RBM39: variants seen among roughly 807,000 people sequenced by gnomAD.
RBM39 encodes the protein RNA binding motif protein 39.
Under a neutral mutation model 79.6 loss-of-function variants are expected in RBM39, and 12 were observed. That is an observed-to-expected ratio of 0.15 (90% CI 0.10 to 0.24). The LOEUF (loss-of-function observed/expected upper bound fraction) is 0.24. Ranked by LOEUF, RBM39 falls within the 10% of genes least tolerant of loss-of-function variation. RBM39 has a pLI of 1.00. For synonymous variants in RBM39, 185 were observed against 208.4 expected (o/e 0.89, Z 0.97); for missense variants, 243 against 653.4 (o/e 0.37, Z 6.85).
At chr20:35,724,905 A>G (rs1056298994) in intron 7 of RBM39, 133 bp downstream of exon 7, 9 of 999,130 alleles carry the variant, frequency 9.0e-6, no homozygotes, top group Non-Finnish European at 1.4e-5. Context: ...TATCAACTCC[A>G]ATACTACAAG....
intron 6 of RBM39, among the ~76,000 whole-genome samples, chr20:35,726,970 A>G (rs989650303): frequency 1.3e-5 from 2 of 151,342 alleles, no homozygotes; most frequent in Admixed American, 6.6e-5. Context: ...GATTACACGC[A>G]CGCGCCACTA....
chr20:35,731,745 A>T, intron 4 of RBM39, 196 bp downstream of exon 4: 3 of 619,690 alleles, frequency 4.8e-6, no homozygotes, highest in Non-Finnish European at 8.3e-6. Flanking sequence ...ATGCCTAGTA[A>T]AAGCAAATTT....
intron 13 of RBM39, 81 bp from the exon 14 acceptor site, chr20:35,707,282 A>C: frequency 1.2e-6 from 1 of 848,180 alleles, no homozygotes; most frequent in Non-Finnish European, 1.8e-6. Flanking sequence ...CGAAACCAAA[A>C]ACCCACCCCA....
chr20:35,740,802 T>C, intron 2 of RBM39, 22 bp downstream of exon 2: 1 of 1,598,790 alleles, frequency 6.3e-7, no homozygotes, highest in South Asian at 1.1e-5. Flanking sequence ...TATATAAACC[T>C]CACCGACATG....
chr20:35,732,536 G>A (rs575686676), intron 3 of RBM39: 19 of 188,848 alleles, frequency 1.0e-4, no homozygotes, highest in African/African-American at 4.0e-4. Context: ...CAGCCTGGGC[G>A]ACAGAGTAAG....
At chr20:35,705,401 A>C (rs1442679541) in intron 14 of RBM39, 71 bp from the exon 15 acceptor site, 4 of 863,668 alleles carry the variant, frequency 4.6e-6, no homozygotes, top group Non-Finnish European at 7.0e-6. Flanking sequence ...AATGTATCAA[A>C]AAATTTAAAT....
chr20:35,723,619 G>A (rs1336327371), intron 8 of RBM39, among the ~76,000 whole-genome samples: 2 of 152,226 alleles, frequency 1.3e-5, no homozygotes, highest in Middle Eastern at 3.4e-3. Flanking sequence ...TTGCATTTTA[G>A]TAGAGACAAG....
At chr20:35,733,558 G>A (rs994825359) in intron 3 of RBM39, among the ~76,000 whole-genome samples, 2 of 151,834 alleles carry the variant, frequency 1.3e-5, no homozygotes, top group Non-Finnish European at 2.9e-5. Flanking sequence ...GGAGTGAGCC[G>A]AAATCATGCC....
intron 9 of RBM39, chr20:35,720,134 C>G (rs1247678087): frequency 6.4e-6 from 1 of 155,236 alleles, no homozygotes; most frequent in African/African-American, 2.4e-5. Flanking sequence ...TATCTAGCTC[C>G]TTTTAAATTT....
chr20:35,720,750 C>A (rs533929494), intron 9 of RBM39, among the ~76,000 whole-genome samples: 1 of 152,100 alleles, frequency 6.6e-6, no homozygotes, highest in Non-Finnish European at 1.5e-5. Context: ...CCAGCCTGGG[C>A]AGCAGAATAA....
chr20:35,739,300 T>TA (rs2040295286), intron 2 of RBM39: 1 of 464,768 alleles, frequency 2.2e-6, no homozygotes, highest in South Asian at 2.0e-5. Context: ...TTATCCAGAT[T>TA]TACAATGTTG....
rs2035376758 is a variant in RBM39, at chr20:35,703,292, T to G, written c.*1189A>C. 1.3e-5 allele frequency: 2 copies of G among 152,184 alleles called. No homozygotes were observed. Among genetic ancestry groups the G allele is most frequent in the Admixed American group, 1.3e-4 (2 of 15,274 alleles). 9.4% of individuals were successfully genotyped at this position (152,184 alleles called of 1,614,324 possible). On this transcript the variant is annotated 3_prime_UTR_variant, in exon 17 of 17. Transcript: ENST00000253363. ...CCAGTTTGAAGTTAAGCCATTTTGT[T>G]AAGTATGTATTGTAAATGGTGAAAA...
chr20:35,732,895 C>T (rs1422684214), intron 3 of RBM39: 1 of 152,146 alleles, frequency 6.6e-6, no homozygotes, highest in Non-Finnish European at 1.5e-5. Flanking sequence ...AGTAATTTAC[C>T]ATTAAGTCAA....
chr20:35,718,421 TCCC>T (rs2037450453), intron 9 of RBM39, among the ~76,000 whole-genome samples: 1 of 151,736 alleles, frequency 6.6e-6, no homozygotes, highest in Non-Finnish European at 1.5e-5. Flanking sequence ...GCTCGGTGGC[TCCC>T]ACCTGTAGGT....
At chr20:35,734,226 T>A (rs556024447) in intron 3 of RBM39, 2 of 1,303,756 alleles carry the variant, frequency 1.5e-6, no homozygotes, top group Non-Finnish European at 2.0e-6. Flanking sequence ...CACAAGGAGA[T>A]GTAGAGCTTT....
At chr20:35,715,193 T>C (rs1225059704) in intron 10 of RBM39, among the ~76,000 whole-genome samples, 2 of 152,156 alleles carry the variant, frequency 1.3e-5, no homozygotes, top group Non-Finnish European at 1.5e-5. Context: ...AGCTCACACA[T>C]CTGAAAAAAG....
At chr20:35,712,391 C>T (rs1267804030) in intron 12 of RBM39, among the ~76,000 whole-genome samples, 2 of 140,986 alleles carry the variant, frequency 1.4e-5, no homozygotes, top group South Asian at 2.3e-4. Flanking sequence ...CGAGACTGCA[C>T]CACTGCACTC....
At chr20:35,708,693 T>G (rs897640891) in intron 13 of RBM39, 1 of 152,436 alleles carries the variant, frequency 6.6e-6, no homozygotes, top group Non-Finnish European at 1.5e-5. Context: ...CAAGAAATCA[T>G]AGCCTACTTA....
chr20:35,728,334 C>T (rs757837149), intron 6 of RBM39, among the ~76,000 whole-genome samples: 10 of 152,052 alleles, frequency 6.6e-5, no homozygotes, highest in African/African-American at 2.2e-4. Context: ...ACATTTAACA[C>T]GAATAAGCTA....
Sources: allele counts gnomAD v4.1 joint callset (sites outside exome capture counted in the v4.1 genomes callset), GRCh38; gene constraint gnomAD v4.1.1; transcripts MANE v1.5; gene names NCBI Gene and HGNC (gene_info 2026-07-23, HGNC 2026-07-21).